The following KCNT2 variants were observed in gnomAD, a reference collection of about 807,000 sequenced individuals.
KCNT2 encodes potassium channel subfamily T member 2.
Under a neutral mutation model 153.8 loss-of-function variants are expected in KCNT2, and 67 were observed. The ratio of observed to expected loss-of-function variants is 0.44; its 90% CI spans 0.36 to 0.53. KCNT2 has a LOEUF of 0.53. KCNT2 is among the 20% of genes least tolerant of loss of function. The pLI is 0.00. For missense variants in KCNT2, 975 were observed against 1,354.8 expected (o/e 0.72, Z 4.40); for synonymous variants, 500 against 458.8 (o/e 1.09, Z -1.15).
intron 24 of KCNT2, among the ~76,000 whole-genome samples, chr1:196,281,920 T>C (rs909503377): frequency 4.0e-5 from 6 of 151,880 alleles, no homozygotes; most frequent in African/African-American, 1.5e-4. Context: ...CAGCTAATTT[T>C]TTGTATTTTT....
intron 1 of KCNT2, among the ~76,000 whole-genome samples, chr1:196,590,788 C>T (rs983408317): frequency 7.9e-5 from 12 of 152,110 alleles, no homozygotes; most frequent in Admixed American, 7.9e-4. Flanking sequence ...CTCTTCCTTA[C>T]TGATATGGTT....
intron 1 of KCNT2, among the ~76,000 whole-genome samples, chr1:196,588,043 AC>A (rs771396154): frequency 6.6e-6 from 1 of 152,030 alleles, no homozygotes; most frequent in Non-Finnish European, 1.5e-5. Flanking sequence ...ACTTTGAAAA[AC>A]CTTTTCTATC....
chr1:196,451,872 T>C (rs545930762), intron 8 of KCNT2, among the ~76,000 whole-genome samples: 23 of 152,052 alleles, frequency 1.5e-4, no homozygotes, highest in South Asian at 4.1e-4. Context: ...TTCTGTACCA[T>C]ACATTATAAA....
chr1:196,441,740 T>C (rs1333281256), intron 8 of KCNT2, among the ~76,000 whole-genome samples: 1 of 151,862 alleles, frequency 6.6e-6, no homozygotes, highest in Non-Finnish European at 1.5e-5. Flanking sequence ...TGTATACAAA[T>C]GAAAGTGGGA....
At chr1:196,282,737 TTTA>T (rs1379388365) in intron 23 of KCNT2, among the ~76,000 whole-genome samples, 2 of 152,240 alleles carry the variant, frequency 1.3e-5, no homozygotes, top group African/African-American at 4.8e-5. Context: ...TCAGTCTTTT[TTTA>T]GTATTAAGCT....
chr1:196,557,923 G>A lies in KCNT2; in HGVS notation c.95+50292C>T, dbSNP rs889712194. On this transcript the variant is annotated intron_variant, in intron 1 of 27. Coordinates refer to ENST00000294725, the MANE Select transcript of KCNT2 (RefSeq NM_198503.5). Reference sequence around the variant, plus strand: ...CTTCCTTATCAAAGAATGCCTTTCAGAAATACTAAGAAAAAGCAATGAGAT... The same window carrying A: ...CTTCCTTATCAAAGAATGCCTTTCAAAAATACTAAGAAAAAGCAATGAGAT... Among the ~76,000 whole-genome samples the A allele has an allele frequency of 2.6e-5, 4 of 151,150 alleles. No individual in the cohort carries two copies. The Admixed American group carries it at 2.6e-4, about 10-fold the overall frequency.
At chr1:196,337,824 A>T (rs867619767) in intron 16 of KCNT2, among the ~76,000 whole-genome samples, 7 of 152,156 alleles carry the variant, frequency 4.6e-5, no homozygotes, top group Admixed American at 2.0e-4. Context: ...TTTCCTTTAT[A>T]ACTTATAACC....
In KCNT2 at chr1:196,227,172, C is replaced by A. The variant is rs1243912677; in HGVS notation, c.*1052G>T. ...CATATATACGATTTCAAAATTAAGT[C>A]AAAAATTTTAATACATCCTTCATTG... On this transcript the variant is annotated 3_prime_UTR_variant, in exon 28 of 28. Transcript: ENST00000294725. The A allele has an allele frequency of 6.6e-6, 1 of 151,922 alleles. No homozygotes were observed. Among genetic ancestry groups the A allele is most frequent in the Admixed American group, 6.6e-5 (1 of 15,242 alleles). The allele number at this position is 151,922 out of a possible 1,614,324, so 9.4% of individuals were successfully genotyped here. A position where few individuals can be genotyped will look rare whatever the true frequency, so the allele number is the denominator to read the frequency against.
At position 196,326,889 on chromosome 1, in the gene KCNT2, T is replaced by A. The variant is rs760497065; in HGVS notation, c.2104A>T (p.Ser702Cys). The A allele has an allele frequency of 2.6e-6, 4 of 1,539,876 alleles. No individual in the cohort carries two copies. In the East Asian group the frequency reaches 9.6e-5, roughly 37 times the overall value. The change falls in exon 19 of 28, where the codon AGT (serine) becomes TGT (cysteine). Residue 702 changes from serine (S) to cysteine (C), a missense_variant and splice_region_variant. Ser to Cys is a moderately radical substitution (Grantham distance 112, BLOSUM62 -1). Coordinates refer to ENST00000294725, the MANE Select transcript of KCNT2 (RefSeq NM_198503.5). Reference sequence around the variant, plus strand: ...TCCTCATAGTAGTTATGTTGGCAACTCTAGAGAAGAGAAAGTATACATTGA... The same window carrying A: ...TCCTCATAGTAGTTATGTTGGCAACACTAGAGAAGAGAAAGTATACATTGA... ...VPFCCLRLDK[S>C]CQHNYYEDAK...
intron 26 of KCNT2, among the ~76,000 whole-genome samples, chr1:196,243,644 A>G (rs2102268114): frequency 6.6e-6 from 1 of 152,304 alleles, no homozygotes; most frequent in African/African-American, 2.4e-5. Context: ...GGGAACACTT[A>G]GACAAGTTCT....
At chr1:196,260,195 C>A (rs909108861) in intron 25 of KCNT2, among the ~76,000 whole-genome samples, 2 of 151,746 alleles carry the variant, frequency 1.3e-5, no homozygotes, top group Non-Finnish European at 3.0e-5. Context: ...TGATTTCCTA[C>A]AAATATGTGG....
chr1:196,437,510 A>T (rs931344780), intron 8 of KCNT2, among the ~76,000 whole-genome samples: 3 of 148,398 alleles, frequency 2.0e-5, no homozygotes, highest in Middle Eastern at 4.2e-3. Flanking sequence ...TAAATTAAAA[A>T]TTTTTTTGCT....
chr1:196,547,371 G>A (rs1657246195), intron 1 of KCNT2, among the ~76,000 whole-genome samples: 1 of 151,890 alleles, frequency 6.6e-6, no homozygotes, highest in African/African-American at 2.4e-5. Context: ...GGGAGGTGGA[G>A]GTGTGAGGCA....
At chr1:196,435,135 G>GTATA (rs200431131) in intron 8 of KCNT2, among the ~76,000 whole-genome samples, 38 of 76,858 alleles carry the variant, frequency 4.9e-4, no homozygotes, top group African/African-American at 1.5e-3. Context: ...GTGTGTGTGT[G>GTATA]TATGTATATA....
At chr1:196,570,508 C>T (rs1355151661) in intron 1 of KCNT2, among the ~76,000 whole-genome samples, 2 of 152,006 alleles carry the variant, frequency 1.3e-5, no homozygotes, top group Admixed American at 6.6e-5. Flanking sequence ...TGACACAATA[C>T]CAAGTAAACT....
intron 12 of KCNT2, among the ~76,000 whole-genome samples, chr1:196,407,632 A>G: frequency 6.6e-6 from 1 of 151,440 alleles, no homozygotes; most frequent in East Asian, 1.9e-4. Flanking sequence ...ACATACTTGA[A>G]AAAAACAGTG....
chr1:196,229,121 A>G (rs1201603430), intron 27 of KCNT2, among the ~76,000 whole-genome samples: 1 of 151,910 alleles, frequency 6.6e-6, no homozygotes, highest in Non-Finnish European at 1.5e-5. Context: ...TGCCTTTTTT[A>G]TTGCTTTTGA....
intron 19 of KCNT2, among the ~76,000 whole-genome samples, chr1:196,325,923 C>G (rs1172325803): frequency 3.3e-5 from 5 of 152,036 alleles, no homozygotes; most frequent in Admixed American, 1.3e-4. Context: ...TTTTGAAAGG[C>G]AGAGACAAGG....
intron 1 of KCNT2, among the ~76,000 whole-genome samples, chr1:196,553,889 A>C (rs1424551865): frequency 1.3e-5 from 2 of 151,372 alleles, no homozygotes; most frequent in Non-Finnish European, 3.0e-5. Context: ...CCATGGGTCA[A>C]TGAAGAAGTT....
Sources: allele counts gnomAD v4.1 joint callset (sites outside exome capture counted in the v4.1 genomes callset), GRCh38; gene constraint gnomAD v4.1.1; transcripts MANE v1.5; gene names NCBI Gene and HGNC (gene_info 2026-07-23, HGNC 2026-07-21).